Variants in ASTN2 observed in about 807,000 individuals in gnomAD.
ASTN2 encodes astrotactin-2.
Under a neutral mutation model 139.8 loss-of-function variants are expected in ASTN2, and 54 were observed. The ratio of observed to expected loss-of-function variants is 0.39; its 90% confidence interval spans 0.31 to 0.48. ASTN2 has a LOEUF of 0.48. Among genes scored for constraint, ASTN2 ranks in the 20% least tolerant of loss-of-function variants. ASTN2 has a pLI of 0.95. For missense variants in ASTN2, 1,565 were observed against 1,725.1 expected (o/e 0.91, Z 1.64); for synonymous variants, 756 against 719.5 (o/e 1.05, Z -0.81).
chr9:116,694,436 A>G (rs1860729515), intron 16 of ASTN2, among the ~76,000 whole-genome samples: 1 of 148,032 alleles, frequency 6.8e-6, no homozygotes, highest in Non-Finnish European at 1.5e-5. Context: ...GAAGGGTTGC[A>G]TGGATCCTGA....
At chr9:116,954,024 A>G (rs920926879) in intron 10 of ASTN2, among the ~76,000 whole-genome samples, 1 of 152,108 alleles carries the variant, frequency 6.6e-6, no homozygotes, top group Non-Finnish European at 1.5e-5. Context: ...TGGTTTTCTT[A>G]TCTTTTTTTA....
At chr9:117,107,495 A>C (rs1829136781) in intron 4 of ASTN2, among the ~76,000 whole-genome samples, 1 of 152,208 alleles carries the variant, frequency 6.6e-6, no homozygotes, top group Non-Finnish European at 1.5e-5. Context: ...CATTGTTTTC[A>C]AATCTTAGTA....
rs560208304 is a variant in ASTN2, at chr9:116,796,654, T to C, written c.2396+8978A>G. 3.3e-5 allele frequency among the ~76,000 whole-genome samples: 5 copies of C among 152,126 alleles called. No homozygotes were observed. In the East Asian group the frequency reaches 5.8e-4, roughly 18 times the overall value. On this transcript the variant is annotated intron_variant, in intron 13 of 22. Transcript: ENST00000313400. Reference sequence around the variant, plus strand: ...AGAATTGCAGTTGTCAGGAACTGGGTGAAGGGAAAAATGGGGAGGCAAGGA... The same window carrying C: ...AGAATTGCAGTTGTCAGGAACTGGGCGAAGGGAAAAATGGGGAGGCAAGGA...
At chr9:116,589,202 A>C (rs1854279538) in intron 19 of ASTN2, among the ~76,000 whole-genome samples, 2 of 152,208 alleles carry the variant, frequency 1.3e-5, no homozygotes, top group Non-Finnish European at 2.9e-5. Flanking sequence ...AGAGAGCTGA[A>C]AGGAGAAATA....
At chr9:116,570,749 T>C (rs1853472657) in intron 19 of ASTN2, among the ~76,000 whole-genome samples, 1 of 152,192 alleles carries the variant, frequency 6.6e-6, no homozygotes, top group South Asian at 2.1e-4. Flanking sequence ...GCCAGGATGG[T>C]TGCTTGAGAA....
At chr9:116,508,137 C>T (rs532974328) in intron 19 of ASTN2, among the ~76,000 whole-genome samples, 3 of 152,288 alleles carry the variant, frequency 2.0e-5, no homozygotes, top group South Asian at 2.1e-4. Context: ...GTGATCCACC[C>T]GCCTTGGCCT....
At chr9:117,067,161 T>C (rs1434462974) in intron 5 of ASTN2, among the ~76,000 whole-genome samples, 7 of 40,346 alleles carry the variant, frequency 1.7e-4, no homozygotes, top group African/African-American at 6.0e-4. Flanking sequence ...AAATCTTTAA[T>C]CCATCTTGAA....
intron 1 of ASTN2, among the ~76,000 whole-genome samples, chr9:117,370,908 A>G (rs1829973948): frequency 2.6e-5 from 4 of 152,074 alleles, no homozygotes; most frequent in Admixed American, 2.6e-4. Flanking sequence ...AATGCCCCCA[A>G]CAATCCCAAG....
intron 11 of ASTN2, among the ~76,000 whole-genome samples, chr9:116,861,141 G>T (rs747164391): frequency 6.6e-6 from 1 of 151,322 alleles, no homozygotes; most frequent in South Asian, 2.1e-4. Flanking sequence ...GGGAATGAAT[G>T]TTCTTTCTCT....
chr9:116,447,165 T>G (rs1462502097), intron 20 of ASTN2, among the ~76,000 whole-genome samples: 1 of 151,972 alleles, frequency 6.6e-6, no homozygotes, highest in African/African-American at 2.4e-5. Context: ...TCTGGCTGAG[T>G]CATCCATCCC....
intron 19 of ASTN2, among the ~76,000 whole-genome samples, chr9:116,552,833 G>C (rs1222562675): frequency 6.6e-6 from 1 of 152,260 alleles, no homozygotes; most frequent in African/African-American, 2.4e-5. Flanking sequence ...CATGGGCACA[G>C]TCAGTGGACG....
intron 10 of ASTN2, among the ~76,000 whole-genome samples, chr9:116,944,681 CA>C (rs34943919): frequency 0.031 from 1,649 of 53,284 alleles, 10 homozygotes; most frequent in African/African-American, 0.1. Context: ...GACTCTGTCT[CA>C]AAAAAAAAAA....
chr9:117,023,205 C>T (rs1837941587), intron 6 of ASTN2, among the ~76,000 whole-genome samples: 1 of 152,160 alleles, frequency 6.6e-6, no homozygotes, highest in Non-Finnish European at 1.5e-5. Flanking sequence ...CCTTGCTCTA[C>T]TTTCCTCCGT....
chr9:116,540,844 T>C (rs1355439906), intron 19 of ASTN2: 6 of 152,176 alleles, frequency 3.9e-5, no homozygotes, highest in Admixed American at 2.6e-4. Context: ...GTCTCCAAAA[T>C]AATTGAGAAA....
intron 22 of ASTN2, among the ~76,000 whole-genome samples, chr9:116,433,839 C>T (rs1266058464): frequency 2.6e-5 from 4 of 152,162 alleles, no homozygotes; most frequent in African/African-American, 9.7e-5. Context: ...TTGTAAGGTG[C>T]CCACTGAAAA....
chr9:117,358,924 C>T (rs1186049210), intron 1 of ASTN2, among the ~76,000 whole-genome samples: 3 of 152,090 alleles, frequency 2.0e-5, no homozygotes, highest in Non-Finnish European at 2.9e-5. Context: ...ACCAAACTCA[C>T]CTCTCACTAG....
chr9:117,304,428 C>G, intron 1 of ASTN2, among the ~76,000 whole-genome samples: 1 of 152,266 alleles, frequency 6.6e-6, no homozygotes, highest in East Asian at 1.9e-4. Context: ...CTTTTGCTGC[C>G]CACTACCTCC....
At chr9:116,852,902 CA>C (rs1588354522) in intron 11 of ASTN2, among the ~76,000 whole-genome samples, 1 of 151,446 alleles carries the variant, frequency 6.6e-6, no homozygotes, top group East Asian at 1.9e-4. Context: ...CACACACACA[CA>C]CACACACACA....
intron 10 of ASTN2, among the ~76,000 whole-genome samples, chr9:116,886,637 G>C (rs1410609798): frequency 1.3e-5 from 2 of 152,158 alleles, no homozygotes; most frequent in Non-Finnish European, 2.9e-5. Flanking sequence ...TAAGTGCTGA[G>C]ATTACAGGTG....
Sources: gnomAD v4.1 joint callset for allele counts (sites outside exome capture counted in the v4.1 genomes callset) on GRCh38, gnomAD v4.1.1 for gene constraint, MANE v1.5 for transcripts, NCBI Gene and HGNC (gene_info 2026-07-23, HGNC 2026-07-21) for gene names.